The following ZNF462 variants were observed in gnomAD, a reference collection of about 807,000 sequenced individuals.
ZNF462 encodes zinc finger protein 462.
Under a neutral mutation model 201.9 loss-of-function variants are expected in ZNF462, and 10 were observed. The ratio of observed to expected loss-of-function variants is 0.05; its 90% confidence interval spans 0.03 to 0.08. The LOEUF is 0.08. Ranked by LOEUF, ZNF462 falls within the 10% of genes least tolerant of loss-of-function variation. The pLI is 1.00. For synonymous variants in ZNF462, 1,227 were observed against 1,193.3 expected (o/e 1.03, Z -0.58); for missense variants, 2,523 against 3,168.3 (o/e 0.80, Z 4.89).
intron 1 of ZNF462, among the ~76,000 whole-genome samples, chr9:106,893,717 G>A (rs763521028): frequency 1.3e-5 from 2 of 152,178 alleles, no homozygotes; most frequent in Non-Finnish European, 2.9e-5. Flanking sequence ...TGCTATTTCT[G>A]TTGTCTCATT....
Position 106,924,166 on chromosome 9 carries a change from A to G in ZNF462, c.254A>G (p.Tyr85Cys). Residue 85 changes from tyrosine to cysteine, a missense_variant, in exon 3 of 13, where the codon TAC (tyrosine) becomes TGC (cysteine). This residue lies in a region of ZNF462 where 480 missense variants were observed against 544.4 expected (regional missense o/e 0.88). Coordinates refer to ENST00000277225, the MANE Select transcript of ZNF462 (RefSeq NM_021224.6). The surrounding 1 kb of genome is among the most constrained non-coding windows in gnomAD (Gnocchi z 6.2). ...GCAACTTCATTGGGGACCGGAGGTT[A>G]CTATGGCCACAGTCCAGGATATTAT... Reference protein sequence around the residue: ...QNATSLGTGGYYGHSPGYYGQ... With the variant: ...QNATSLGTGGCYGHSPGYYGQ... 1 of 1,610,080 alleles carries G rather than the reference A, an allele frequency of 6.2e-7. No individual in the cohort carries two copies. Among genetic ancestry groups the G allele is most frequent in the Non-Finnish European group, 8.5e-7 (1 of 1,179,040 alleles).
chr9:106,934,532 G>T (rs1830551666), intron 5 of ZNF462, among the ~76,000 whole-genome samples: 1 of 152,274 alleles, frequency 6.6e-6, no homozygotes, highest in Non-Finnish European at 1.5e-5. Flanking sequence ...ATGAAGAAGA[G>T]AATTTGTTTT....
intron 9 of ZNF462, chr9:106,979,391 A>T (rs561915728): frequency 6.6e-6 from 1 of 151,516 alleles, no homozygotes; most frequent in Non-Finnish European, 1.5e-5. Flanking sequence ...GGAATATTTG[A>T]CAAAAGGACT....
rs2130979870 is a variant in ZNF462, at chr9:106,885,122, G to A, written c.-31+21767G>A. Among the ~76,000 whole-genome samples the A allele has an allele frequency of 6.6e-6, 1 of 152,220 alleles. No homozygotes were observed. The highest frequency in any genetic ancestry group is 2.1e-4 in the South Asian group (1 of 4,816). ...AATGGCCCTGTTGCAAAATTTGGCAGGTCAGACACTTCAGCTTCCCAAGAA... is the reference window on the plus strand; with the variant it reads ...AATGGCCCTGTTGCAAAATTTGGCAAGTCAGACACTTCAGCTTCCCAAGAA... On this transcript the variant is annotated intron_variant, in intron 1 of 12. Coordinates refer to ENST00000277225, the MANE Select transcript of ZNF462 (RefSeq NM_021224.6). The surrounding 1 kb of genome is among the most constrained non-coding windows in gnomAD (Gnocchi z 4.1).
At chr9:107,001,134 G>A (rs1271597618) in intron 10 of ZNF462, among the ~76,000 whole-genome samples, 1 of 152,120 alleles carries the variant, frequency 6.6e-6, no homozygotes, top group Non-Finnish European at 1.5e-5. Flanking sequence ...CCCAGGAAAG[G>A]CTGCCTTTTA....
rs1242808855 is a variant in ZNF462, at chr9:107,008,703, G to C, written c.7190-842G>C. On this transcript the variant is annotated intron_variant, in intron 11 of 12. Transcript: ENST00000277225. This position sits in a 1 kb window ranked among gnomAD's most constrained non-coding sequence, Gnocchi z 4.8. ...TTGAGTTTGCCAGGAGACGTGGCCT[G>C]AAAACAGTTAAACAGCCAATCCACA... Among the ~76,000 whole-genome samples, 1 of 152,164 alleles carries C rather than the reference G, an allele frequency of 6.6e-6. No individual in the cohort carries two copies. Among genetic ancestry groups the C allele is most frequent in the African/African-American group, 2.4e-5 (1 of 41,438 alleles).
chr9:107,002,179 TCCTCATCATCTAGCTGTGC>T (rs895368688), intron 10 of ZNF462, among the ~76,000 whole-genome samples: 1 of 152,152 alleles, frequency 6.6e-6, no homozygotes, highest in African/African-American at 2.4e-5. Flanking sequence ...TCTAGCTGTG[TCCTCATCATCTAGCTGTGC>T]CCTACTGTGG....
intron 1 of ZNF462, among the ~76,000 whole-genome samples, chr9:106,879,002 G>T (rs1200569389): frequency 6.6e-6 from 1 of 152,116 alleles, no homozygotes; most frequent in African/African-American, 2.4e-5. Context: ...TAATGGTTTG[G>T]TCCCAAGAGG....
Position 106,902,166 on chromosome 9 carries a change from A to G in ZNF462, c.-30-21188A>G, listed in dbSNP as rs62568589. On this transcript the variant is annotated intron_variant, in intron 1 of 12. Coordinates refer to ENST00000277225, the MANE Select transcript of ZNF462 (RefSeq NM_021224.6). This position sits in a 1 kb window ranked among gnomAD's most constrained non-coding sequence, Gnocchi z 4.2. Reference sequence around the variant, plus strand: ...TTTGTCGAATGCTTTTTCTGCCTCTATTGAGATGATCATGTGATTTTTTAT... The same window carrying G: ...TTTGTCGAATGCTTTTTCTGCCTCTGTTGAGATGATCATGTGATTTTTTAT... 0.019 allele frequency among the ~76,000 whole-genome samples: 2,871 copies of G among 152,164 alleles called. 56 individuals carry two copies. The highest frequency in any genetic ancestry group is 0.056 in the East Asian group (290 of 5,176).
Position 107,011,847 on chromosome 9 carries a change from A to G in ZNF462, c.*817A>G, listed in dbSNP as rs1049021429. On this transcript the variant is annotated 3_prime_UTR_variant, in exon 13 of 13. Coordinates refer to ENST00000277225, the MANE Select transcript of ZNF462 (RefSeq NM_021224.6). The surrounding 1 kb of genome is among the most constrained non-coding windows in gnomAD (Gnocchi z 5.6). ...ATCCTTTATTCCAGGTAAGCTGTTT[A>G]TTAGTGTTCAACTATAATTTAGAAT... 2 of 152,136 alleles carry G rather than the reference A, an allele frequency of 1.3e-5. No homozygotes were observed. The highest frequency in any genetic ancestry group is 6.6e-5 in the Admixed American group (1 of 15,266). 9.4% of individuals were successfully genotyped at this position (152,136 alleles called of 1,614,324 possible).
At position 106,963,406 on chromosome 9, in the gene ZNF462, G is replaced by A. The variant is rs1192471298; in HGVS notation, c.6428-8599G>A. ...TTTAATCCAGGAAACATTTTCTTAA[G>A]TACCTTTCCAGGCACTTCTAAGCAA... On this transcript the variant is annotated intron_variant, in intron 7 of 12. Coordinates refer to ENST00000277225, the MANE Select transcript of ZNF462 (RefSeq NM_021224.6). This position sits in a 1 kb window ranked among gnomAD's most constrained non-coding sequence, Gnocchi z 4.7. 6.6e-6 allele frequency among the ~76,000 whole-genome samples: 1 copy of A among 151,988 alleles called. No homozygotes were observed. Among genetic ancestry groups the A allele is most frequent in the Non-Finnish European group, 1.5e-5 (1 of 67,974 alleles).
At chr9:106,863,003 G>T, upstream of ZNF462, 1 of 396,742 alleles carries the variant, frequency 2.5e-6, no homozygotes, top group South Asian at 1.4e-4. Context: ...ATTATTCAGA[G>T]AGAGACACAG....
chr9:106,926,959 G>T lies in ZNF462; in HGVS notation c.3047G>T (p.Cys1016Phe), dbSNP rs1422121486. The T allele has an allele frequency of 1.9e-6, 3 of 1,614,168 alleles. No individual in the cohort carries two copies. In the African/African-American group the frequency reaches 4.0e-5, roughly 22 times the overall value. The change falls in exon 3 of 13, where the codon TGT becomes TTT. Residue 1016 changes from cysteine (C) to phenylalanine (F), a missense_variant. Around this residue, in one of 15 missense-constraint regions of ZNF462, gnomAD observed 280 missense variants for 321.3 expected, o/e 0.87. Coordinates refer to ENST00000277225, the MANE Select transcript of ZNF462 (RefSeq NM_021224.6). The surrounding 1 kb of genome is among the most constrained non-coding windows in gnomAD (Gnocchi z 7.9). ...ACTCCTAAGACCTTTACTCCTGAAT[G>T]TGAAAATCAGAAGGACCCTTTGGTC... is the stretch of plus-strand genomic sequence containing the variant. ...KNTPKTFTPE[C>F]ENQKDPLVNT...
chr9:106,908,949 T>A (rs1425095639), intron 1 of ZNF462, among the ~76,000 whole-genome samples: 31 of 43,486 alleles, frequency 7.1e-4, no homozygotes, highest in Admixed American at 1.4e-3. Flanking sequence ...ATATTTTTTT[T>A]TTTTTTTTTT....
At position 106,932,497 on chromosome 9, in the gene ZNF462, G is replaced by A. The variant is rs1252345205; in HGVS notation, c.6064G>A (p.Glu2022Lys). 3 of 1,614,090 alleles carry A rather than the reference G, an allele frequency of 1.9e-6. No homozygotes were observed. Among genetic ancestry groups the A allele is most frequent in the Admixed American group, 1.7e-5 (1 of 60,014 alleles). ...SHLALAMFTR[E>K]DKYSCQYCSF... is the part of the protein sequence containing the mutation. ...CCTGGCCCTGGCCATGTTTACCCGCGAGGACAAGTACAGCTGCCAGTATTG... is the reference window on the plus strand; with the variant it reads ...CCTGGCCCTGGCCATGTTTACCCGCAAGGACAAGTACAGCTGCCAGTATTG... Residue 2022 changes from glutamate to lysine, a missense_variant, in exon 5 of 13, where the codon GAG (glutamate) becomes AAG (lysine). Glu to Lys is a moderately conservative substitution (Grantham distance 56). This residue lies in a region of ZNF462 where 107 missense variants were observed against 187.7 expected (regional missense o/e 0.57). Coordinates refer to ENST00000277225, the MANE Select transcript of ZNF462 (RefSeq NM_021224.6). The surrounding 1 kb of genome is among the most constrained non-coding windows in gnomAD (Gnocchi z 6.8).
intron 5 of ZNF462, among the ~76,000 whole-genome samples, chr9:106,934,470 T>G (rs970144778): frequency 3.3e-5 from 5 of 152,136 alleles, no homozygotes; most frequent in Admixed American, 1.3e-4. Flanking sequence ...CAACTAGGTT[T>G]TCAGTTTACT....
At chr9:106,986,220 TG>T (rs1827820835) in intron 10 of ZNF462, among the ~76,000 whole-genome samples, 1 of 152,196 alleles carries the variant, frequency 6.6e-6, no homozygotes, top group Non-Finnish European at 1.5e-5. Context: ...TCCTCAGCAG[TG>T]GGCGGAAGGC....
At position 106,974,098 on chromosome 9, in the gene ZNF462, G is replaced by T; in HGVS notation, c.6696-39G>T. On this transcript the variant is annotated intron_variant, in intron 8 of 12. Transcript: ENST00000277225. This position sits in a 1 kb window ranked among gnomAD's most constrained non-coding sequence, Gnocchi z 4.0. ...GAAATGTGAAAATGCAATGATCCCT[G>T]GTTACACGCATCACCTCTCCTCCCA... The T allele has an allele frequency of 6.2e-7, 1 of 1,613,096 alleles. No homozygotes were observed. The highest frequency in any genetic ancestry group is 8.5e-7 in the Non-Finnish European group (1 of 1,179,528).
chr9:106,975,042 A>T (rs1826895188), intron 9 of ZNF462: 1 of 152,210 alleles, frequency 6.6e-6, no homozygotes, highest in African/African-American at 2.4e-5. Context: ...CAATTAAAAC[A>T]CTGTTAAACA....
Sources: gnomAD v4.1 joint callset for allele counts (sites outside exome capture counted in the v4.1 genomes callset) on GRCh38, gnomAD v4.1.1 for gene constraint, gnomAD v4.1.1 regional missense constraint, Gnocchi (gnomAD v3.1) non-coding constraint, MANE v1.5 for transcripts, NCBI Gene and HGNC (gene_info 2026-07-23, HGNC 2026-07-21) for gene names.